The following PAPOLA variants were observed in gnomAD, a reference collection of about 807,000 sequenced individuals.
PAPOLA encodes the protein poly(A) polymerase alpha.
In PAPOLA, 15 loss-of-function variants were observed where a neutral mutation model predicts 100.6. The observed-to-expected ratio is 0.15, with a 90% confidence interval of 0.10 to 0.23. The LOEUF is 0.23. Ranked by LOEUF, PAPOLA falls within the 10% of genes least tolerant of loss-of-function variation. PAPOLA has a pLI of 1.00. For synonymous variants in PAPOLA, 293 were observed against 300.0 expected (o/e 0.98, Z 0.24); for missense variants, 533 against 884.2 (o/e 0.60, Z 5.04).
chr14:96,536,351 A>T (rs1444078943), intron 11 of PAPOLA, among the ~76,000 whole-genome samples: 1 of 152,098 alleles, frequency 6.6e-6, no homozygotes, highest in African/African-American at 2.4e-5. Context: ...TTGAGCAGGA[A>T]TGGGGCCAAA....
intron 3 of PAPOLA, among the ~76,000 whole-genome samples, chr14:96,524,618 T>C (rs1296779033): frequency 2.6e-5 from 4 of 152,094 alleles, no homozygotes; most frequent in African/African-American, 9.7e-5. Context: ...CCTGTAGGAC[T>C]CAAGCAATCC....
chr14:96,516,619 A>G (rs1304619144), intron 1 of PAPOLA, among the ~76,000 whole-genome samples: 8 of 152,206 alleles, frequency 5.3e-5, no homozygotes, highest in Non-Finnish European at 1.0e-4. Flanking sequence ...GATTATATGC[A>G]TGAGCCATGG....
rs1330819598 is a variant in PAPOLA at position 96,520,209 on chromosome 14, G to C, written c.163G>C (p.Glu55Gln). Residue 55 changes from glutamate (E) to glutamine (Q), a missense_variant, in exon 2 of 22, where the codon GAA becomes CAA. Coordinates refer to ENST00000216277, the MANE Select transcript of PAPOLA (RefSeq NM_032632.5). ...TLKPFGVFEE[E>Q]EELQRRILIL... ...GAAACCCTTTGGGGTTTTTGAAGAGGAAGAGGAACTGCAGCGCAGGTAAAT... is the reference window on the plus strand; with the variant it reads ...GAAACCCTTTGGGGTTTTTGAAGAGCAAGAGGAACTGCAGCGCAGGTAAAT... 2 of 1,612,384 alleles carry C rather than the reference G, an allele frequency of 1.2e-6. No homozygotes were observed. Among genetic ancestry groups the C allele is most frequent in the Non-Finnish European group, 1.7e-6 (2 of 1,179,322 alleles).
intron 20 of PAPOLA, among the ~76,000 whole-genome samples, chr14:96,561,202 A>G (rs576135288): frequency 7.9e-5 from 12 of 152,298 alleles, no homozygotes; most frequent in Middle Eastern, 3.4e-3. Flanking sequence ...CCTGGGGTAC[A>G]TGGGGCTTGA....
chr14:96,562,224 T>C (rs1901911965), intron 20 of PAPOLA, among the ~76,000 whole-genome samples: 1 of 152,074 alleles, frequency 6.6e-6, no homozygotes, highest in Non-Finnish European at 1.5e-5. Context: ...TGTGTAGATA[T>C]TATTTTCTTT....
At chr14:96,553,781 A>G (rs1326657606) in intron 17 of PAPOLA, among the ~76,000 whole-genome samples, 2 of 152,136 alleles carry the variant, frequency 1.3e-5, no homozygotes, top group Non-Finnish European at 2.9e-5. Flanking sequence ...CCAAAGTGCC[A>G]GGATTCCAGG....
chr14:96,544,336 T>C (rs2140307077), intron 15 of PAPOLA, 78 bp downstream of exon 15: 3 of 687,144 alleles, frequency 4.4e-6, no homozygotes, highest in Non-Finnish European at 5.2e-6. Flanking sequence ...CATAGTGATA[T>C]TTACAATAAT....
At chr14:96,519,685 A>T (rs544382300) in intron 1 of PAPOLA, among the ~76,000 whole-genome samples, 1 of 152,276 alleles carries the variant, frequency 6.6e-6, no homozygotes, top group South Asian at 2.1e-4. Context: ...TCATTTGGGG[A>T]ATGTCTTATA....
chr14:96,558,268 G>A (rs56088908), intron 19 of PAPOLA, among the ~76,000 whole-genome samples: 14,605 of 152,200 alleles, frequency 0.096, 915 homozygotes, highest in South Asian at 0.16. Context: ...ACATGATTGG[G>A]TTGTGCAGCA....
intron 1 of PAPOLA, among the ~76,000 whole-genome samples, chr14:96,515,417 A>G (rs2140242564): frequency 6.6e-6 from 1 of 152,328 alleles, no homozygotes; most frequent in South Asian, 2.1e-4. Flanking sequence ...TGATCCAGAA[A>G]GGATGAAGAC....
At chr14:96,520,266 T>A in intron 2 of PAPOLA, 38 bp downstream of exon 2, 1 of 1,509,976 alleles carries the variant, frequency 6.6e-7, no homozygotes, top group Non-Finnish European at 9.1e-7. Flanking sequence ...CTCGGAAACT[T>A]TTATTAATGT....
intron 16 of PAPOLA, among the ~76,000 whole-genome samples, chr14:96,550,345 C>G (rs1026494830): frequency 2.0e-5 from 3 of 152,038 alleles, no homozygotes; most frequent in East Asian, 1.9e-4. Context: ...TTTTTAAACT[C>G]TTAGTATTTC....
chr14:96,549,935 T>C (rs948553069), intron 16 of PAPOLA, among the ~76,000 whole-genome samples: 6 of 152,142 alleles, frequency 3.9e-5, no homozygotes, highest in African/African-American at 1.4e-4. Context: ...GGAGGATCCT[T>C]TGAGGCTGGG....
intron 15 of PAPOLA, among the ~76,000 whole-genome samples, chr14:96,544,839 C>T (rs949052309): frequency 5.3e-5 from 8 of 152,090 alleles, no homozygotes; most frequent in South Asian, 2.1e-4. Flanking sequence ...AGAAATTTTC[C>T]GACTATGGGG....
At chr14:96,505,161 A>G (rs915347452) in intron 1 of PAPOLA, among the ~76,000 whole-genome samples, 6 of 152,204 alleles carry the variant, frequency 3.9e-5, no homozygotes, top group Non-Finnish European at 7.4e-5. Flanking sequence ...CCTAGTCATT[A>G]TTGACATTTA....
chr14:96,541,930 CTTTAA>C (rs1386645974), intron 12 of PAPOLA: 1 of 187,416 alleles, frequency 5.3e-6, no homozygotes, highest in African/African-American at 2.4e-5. Flanking sequence ...GTGAACAGCT[CTTTAA>C]TTTTATAGGC....
At chr14:96,510,979 TTGAA>T (rs779789672) in intron 1 of PAPOLA, among the ~76,000 whole-genome samples, 11 of 152,224 alleles carry the variant, frequency 7.2e-5, no homozygotes, top group Admixed American at 2.6e-4. Flanking sequence ...TTCATGTCCT[TTGAA>T]TGAGCACATT....
rs1205625967 is a variant in PAPOLA, at chr14:96,525,307, C to T, written c.250-3C>T. The T allele has an allele frequency of 4.1e-6, 6 of 1,453,310 alleles. No individual in the cohort carries two copies. The South Asian group carries it at 7.1e-5, about 17-fold the overall frequency. The allele number at this position is 1,453,310 out of a possible 1,614,324, so 90.0% of individuals were successfully genotyped here. A position where few individuals can be genotyped will look rare whatever the true frequency, so the allele number is the denominator to read the frequency against. ...GCAAAATAACCATTTTTTGTTTCAA[C>T]AGAATCTTCCACAATCTGTAATTGA... On this transcript the variant is annotated splice_region_variant and splice_polypyrimidine_tract_variant and intron_variant, in intron 3 of 21. Coordinates refer to ENST00000216277, the MANE Select transcript of PAPOLA (RefSeq NM_032632.5).
intron 4 of PAPOLA, chr14:96,527,135 G>A (rs1201091973): frequency 3.4e-5 from 12 of 355,734 alleles, no homozygotes; most frequent in Non-Finnish European, 5.1e-5. Context: ...GATGTTGGGT[G>A]TATGTTTGAA....
Sources: gnomAD v4.1 joint callset for allele counts (sites outside exome capture counted in the v4.1 genomes callset) on GRCh38, gnomAD v4.1.1 for gene constraint, MANE v1.5 for transcripts, NCBI Gene and HGNC (gene_info 2026-07-23, HGNC 2026-07-21) for gene names.